Variants in ERC1 observed in about 807,000 individuals in gnomAD.
ERC1 encodes the protein RAB6 interacting protein 2.
ERC1 carries 56 observed loss-of-function variants against 132.0 expected under a neutral mutation model. The ratio of observed to expected loss-of-function variants is 0.42; its 90% CI spans 0.34 to 0.53. The LOEUF (loss-of-function observed/expected upper bound fraction) is 0.53, where lower values mean the gene tolerates loss of function less well. Among genes scored for constraint, ERC1 ranks in the 20% least tolerant of loss-of-function variants. The pLI is 0.03. For missense variants in ERC1, 1,202 were observed against 1,349.9 expected (o/e 0.89, Z 1.72); for synonymous variants, 478 against 476.1 (o/e 1.00, Z -0.05).
intron 12 of ERC1, among the ~76,000 whole-genome samples, chr12:1,213,111 C>A (rs1472807614): frequency 6.6e-6 from 1 of 152,086 alleles, no homozygotes; most frequent in African/African-American, 2.4e-5. Context: ...TTACCTGTAA[C>A]CTAGCATTTA....
At chr12:1,096,404 G>C (rs1361383401) in intron 3 of ERC1, among the ~76,000 whole-genome samples, 1 of 152,174 alleles carries the variant, frequency 6.6e-6, no homozygotes, top group Non-Finnish European at 1.5e-5. Context: ...TAAAGTATAG[G>C]TTATAAAATT....
intron 15 of ERC1, among the ~76,000 whole-genome samples, chr12:1,301,830 AG>A (rs369139731): frequency 3.3e-5 from 5 of 152,154 alleles, no homozygotes; most frequent in African/African-American, 9.7e-5. Flanking sequence ...ATTAAGAAAA[AG>A]AAAGAAAAAG....
intron 8 of ERC1, among the ~76,000 whole-genome samples, chr12:1,145,969 G>A (rs183457430): frequency 8.1e-4 from 123 of 152,262 alleles, no homozygotes; most frequent in African/African-American, 2.9e-3. Flanking sequence ...TGGTTTTGGC[G>A]ACTATAGCCT....
At chr12:1,449,017 T>C (rs951155446) in intron 18 of ERC1, among the ~76,000 whole-genome samples, 14 of 152,200 alleles carry the variant, frequency 9.2e-5, no homozygotes, top group African/African-American at 3.1e-4. Flanking sequence ...ATGTGAGACG[T>C]GGAGTTAAAG....
At chr12:1,250,377 T>C (rs1471917808) in intron 13 of ERC1, among the ~76,000 whole-genome samples, 2 of 152,200 alleles carry the variant, frequency 1.3e-5, no homozygotes, top group Non-Finnish European at 2.9e-5. Flanking sequence ...TACATACTTT[T>C]CAATACATTG....
At chr12:1,007,593 G>A (rs1377387660) in intron 1 of ERC1, among the ~76,000 whole-genome samples, 1 of 150,486 alleles carries the variant, frequency 6.6e-6, no homozygotes, top group Non-Finnish European at 1.5e-5. Context: ...GGAAAGGACA[G>A]TTAGTTGATG....
chr12:1,093,505 T>C (rs1037884488), intron 3 of ERC1, among the ~76,000 whole-genome samples: 1 of 152,216 alleles, frequency 6.6e-6, no homozygotes, highest in African/African-American at 2.4e-5. Context: ...TTTTTGGGTC[T>C]TCAATCCATA....
intron 4 of ERC1, among the ~76,000 whole-genome samples, chr12:1,105,939 T>G (rs981971468): frequency 1.9e-4 from 29 of 152,166 alleles, no homozygotes; most frequent in African/African-American, 7.0e-4. Flanking sequence ...TCATGCATAC[T>G]TTGTGAAAGG....
At chr12:1,266,533 T>A (rs2077495762) in intron 14 of ERC1, among the ~76,000 whole-genome samples, 1 of 150,726 alleles carries the variant, frequency 6.6e-6, no homozygotes, top group Non-Finnish European at 1.5e-5. Context: ...GCCTCCCAAG[T>A]AGCTGGGGCT....
chr12:1,374,569 C>G (rs1237588305), intron 16 of ERC1, among the ~76,000 whole-genome samples: 1 of 152,160 alleles, frequency 6.6e-6, no homozygotes, highest in East Asian at 1.9e-4. Context: ...ATGAAGAAGC[C>G]CCACTGTGAT....
chr12:1,293,169 G>A (rs1300975494), intron 15 of ERC1, among the ~76,000 whole-genome samples: 1 of 139,102 alleles, frequency 7.2e-6, no homozygotes, highest in Non-Finnish European at 1.6e-5. Flanking sequence ...AATTAACCAG[G>A]CATGGCTGGG....
intron 13 of ERC1, among the ~76,000 whole-genome samples, chr12:1,245,547 T>C (rs2076105748): frequency 6.6e-6 from 1 of 152,248 alleles, no homozygotes; most frequent in South Asian, 2.1e-4. Context: ...TTCCATTCTT[T>C]GAATACTTCA....
chr12:1,251,876 G>A (rs905367656), intron 13 of ERC1, among the ~76,000 whole-genome samples: 2 of 152,064 alleles, frequency 1.3e-5, no homozygotes, highest in African/African-American at 4.8e-5. Context: ...GGACTACTAA[G>A]TTCTCACTTT....
At chr12:1,096,410 A>C (rs981191228) in intron 3 of ERC1, among the ~76,000 whole-genome samples, 25 of 152,254 alleles carry the variant, frequency 1.6e-4, no homozygotes, top group African/African-American at 5.3e-4. Flanking sequence ...ATAGGTTATA[A>C]AATTTTGTTA....
intron 13 of ERC1, chr12:1,244,475 CAT>C (rs2076030761): frequency 2.3e-6 from 1 of 439,576 alleles, no homozygotes; most frequent in African/African-American, 2.1e-5. Flanking sequence ...TTAAAATATT[CAT>C]TAAGTGTTTT....
chr12:1,091,278 G>C (rs1943185112), intron 3 of ERC1, among the ~76,000 whole-genome samples: 2 of 152,174 alleles, frequency 1.3e-5, no homozygotes, highest in South Asian at 4.1e-4. Context: ...TGTTCAGAAA[G>C]ACTTTCTGGG....
intron 7 of ERC1, among the ~76,000 whole-genome samples, chr12:1,121,636 T>G (rs1055584248): frequency 2.0e-5 from 3 of 149,510 alleles, no homozygotes; most frequent in Non-Finnish European, 4.5e-5. Context: ...AAACAAAGGC[T>G]GATGATCTCT....
At chr12:1,415,372 A>G (rs1276595793) in intron 17 of ERC1, among the ~76,000 whole-genome samples, 1 of 152,228 alleles carries the variant, frequency 6.6e-6, no homozygotes, top group Non-Finnish European at 1.5e-5. Context: ...TTAGATCAGC[A>G]CTGTAGCATC....
chr12:1,468,981 G>T (rs939818501), intron 18 of ERC1, among the ~76,000 whole-genome samples: 5 of 152,200 alleles, frequency 3.3e-5, no homozygotes, highest in African/African-American at 1.2e-4. Flanking sequence ...CTTCACGAAT[G>T]TTAACTCCTC....
Sources: allele counts gnomAD v4.1 joint callset (sites outside exome capture counted in the v4.1 genomes callset), GRCh38; gene constraint gnomAD v4.1.1; transcripts MANE v1.5; gene names NCBI Gene and HGNC (gene_info 2026-07-23, HGNC 2026-07-21).